ELAVL3: variants seen among roughly 807,000 people sequenced by gnomAD.
The protein encoded by ELAVL3 is ELAV-like protein 3.
ELAVL3 carries 8 observed loss-of-function variants against 34.2 expected under a neutral mutation model. The observed-to-expected ratio is 0.23, with a 90% CI of 0.14 to 0.42. The LOEUF is 0.42. Ranked by LOEUF, ELAVL3 falls within the 10% of genes least tolerant of loss-of-function variation. The pLI is 1.00. For missense variants in ELAVL3, 273 were observed against 518.8 expected (o/e 0.53, Z 4.60); for synonymous variants, 209 against 222.1 (o/e 0.94, Z 0.53).
intron 5 of ELAVL3, among the ~76,000 whole-genome samples, chr19:11,457,409 T>C (rs1038410212): frequency 6.6e-6 from 1 of 152,148 alleles, no homozygotes; most frequent in Admixed American, 6.5e-5. Flanking sequence ...GCGGGTCCCC[T>C]CTGGGCCCAG....
intron 1 of ELAVL3, among the ~76,000 whole-genome samples, chr19:11,478,830 G>T (rs1378981014): frequency 6.6e-6 from 1 of 152,104 alleles, no homozygotes; most frequent in Non-Finnish European, 1.5e-5. Flanking sequence ...GCGGCCCCTG[G>T]CCCCAGTCAC....
Position 11,454,811 on chromosome 19 carries a change from C to T in ELAVL3, c.819G>A (p.Val273=). The change falls in exon 7 of 7, where the codon GTG becomes GTA. Residue 273 remains valine, a synonymous_variant. Transcript: ENST00000359227. The surrounding 1 kb of genome is among the most constrained non-coding windows in gnomAD (Gnocchi z 9.2). ...CGCCCGCCGCGCCCCCCGACAGGCC[C>T]ACGCCCGCCAGGCCGCTCATACCAT... ...AIDGMSGLAG[V]GLSGGAAGAG... is the part of the protein sequence containing the mutation. The T allele has an allele frequency of 6.2e-7, 1 of 1,611,268 alleles. No homozygotes were observed.
At chr19:11,456,102 CTTCTTTTTTTTTT>C (rs1211784106) in intron 6 of ELAVL3, among the ~76,000 whole-genome samples, 4 of 151,858 alleles carry the variant, frequency 2.6e-5, no homozygotes, top group African/African-American at 9.7e-5. Flanking sequence ...TCCGTCACCC[CTTCTTTTTTTTTT>C]TTCTTTTTGA....
At chr19:11,464,760 TCACACACACCACACACATACAC>T (rs1970986340) in intron 3 of ELAVL3, among the ~76,000 whole-genome samples, 1 of 61,700 alleles carries the variant, frequency 1.6e-5, no homozygotes, top group Admixed American at 1.8e-4. Context: ...CACACACACA[TCACACACACCACACACATACAC>T]CACACACACC....
chr19:11,475,107 G>T (rs896814867), intron 1 of ELAVL3, among the ~76,000 whole-genome samples: 2 of 152,142 alleles, frequency 1.3e-5, no homozygotes, highest in African/African-American at 4.8e-5. Context: ...TTACAGGCAT[G>T]AGCCACCGCA....
chr19:11,478,213 C>A (rs577516650), intron 1 of ELAVL3, among the ~76,000 whole-genome samples: 25 of 152,266 alleles, frequency 1.6e-4, no homozygotes, highest in African/African-American at 6.0e-4. Flanking sequence ...GGCTGCCCCC[C>A]TCCCATGGTG....
intron 1 of ELAVL3, among the ~76,000 whole-genome samples, chr19:11,469,024 A>G (rs1971111440): frequency 1.3e-5 from 2 of 152,076 alleles, no homozygotes; most frequent in South Asian, 4.1e-4. Flanking sequence ...GGCTCCAGCA[A>G]TCCTCCCACG....
chr19:11,479,456 G>A (rs1027563363), intron 1 of ELAVL3, among the ~76,000 whole-genome samples: 1 of 152,168 alleles, frequency 6.6e-6, no homozygotes, highest in Non-Finnish European at 1.5e-5. Context: ...GGAGAGATAG[G>A]AAGAGTGGAA....
intron 1 of ELAVL3, among the ~76,000 whole-genome samples, chr19:11,476,335 T>C (rs1971262528): frequency 6.6e-6 from 1 of 151,990 alleles, no homozygotes; most frequent in African/African-American, 2.4e-5. Flanking sequence ...GCCTAGGAGT[T>C]TGAGAGCAGC....
Position 11,463,988 on chromosome 19 carries a change from C to A in ELAVL3, c.333+2184G>T, listed in dbSNP as rs375050761. On this transcript the variant is annotated intron_variant, in intron 3 of 6. Coordinates refer to ENST00000359227, the MANE Select transcript of ELAVL3 (RefSeq NM_001420.4). Reference sequence around the variant, plus strand: ...TGTCTCAAAAAAAACCCCAAAAAATCAAAAAACCAAAAAAAAAAAACCTTA... The same window carrying A: ...TGTCTCAAAAAAAACCCCAAAAAATAAAAAAACCAAAAAAAAAAAACCTTA... 2.5e-4 allele frequency among the ~76,000 whole-genome samples: 37 copies of A among 146,888 alleles called. No individual in the cohort carries two copies. The South Asian group carries it at 5.8e-3, about 23-fold the overall frequency.
chr19:11,461,637 G>C (rs1378335263), intron 3 of ELAVL3, among the ~76,000 whole-genome samples: 1 of 150,610 alleles, frequency 6.6e-6, no homozygotes, highest in East Asian at 2.0e-4. Flanking sequence ...TTGCTGTGTT[G>C]CCCAGGCTGG....
chr19:11,479,511 CGCGGGGAGCGGAGTCGCGCGGCAGGG>C (rs1214931399), intron 1 of ELAVL3, among the ~76,000 whole-genome samples: 17 of 151,862 alleles, frequency 1.1e-4, no homozygotes, highest in Non-Finnish European at 8.8e-5. Flanking sequence ...CGCGCGGCGG[CGCGGGGAGCGGAGTCGCGCGGCAGGG>C]GCGGGGGTGG....
At chr19:11,463,595 C>A (rs1599536480) in intron 3 of ELAVL3, among the ~76,000 whole-genome samples, 1 of 152,246 alleles carries the variant, frequency 6.6e-6, no homozygotes, top group African/African-American at 2.4e-5. Context: ...ACACAAACAT[C>A]CTGCCAGAGC....
chr19:11,459,560 C>T (rs2082349493), intron 3 of ELAVL3, among the ~76,000 whole-genome samples: 1 of 151,638 alleles, frequency 6.6e-6, no homozygotes, highest in Admixed American at 6.6e-5. Context: ...AGCCACCTCC[C>T]CCGGCCTCAG....
At chr19:11,464,356 T>C (rs1006726739) in intron 3 of ELAVL3, among the ~76,000 whole-genome samples, 14 of 150,792 alleles carry the variant, frequency 9.3e-5, no homozygotes, top group Admixed American at 5.3e-4. Context: ...AGGAACAGGG[T>C]TTTGTCACGT....
At chr19:11,465,269 CCACACACATACACA>C (rs1971021814) in intron 3 of ELAVL3, among the ~76,000 whole-genome samples, 1 of 112,738 alleles carries the variant, frequency 8.9e-6, no homozygotes, top group Non-Finnish European at 1.7e-5. Flanking sequence ...CACACATACA[CCACACACATACACA>C]CACACACACC....
In ELAVL3 at chr19:11,454,361, C is replaced by A; in HGVS notation, c.*165G>T. 1.5e-6 allele frequency: 1 copy of A among 685,680 alleles called. No individual in the cohort carries two copies. Among genetic ancestry groups the A allele is most frequent in the South Asian group, 2.0e-5 (1 of 50,806 alleles). 42.5% of individuals were successfully genotyped at this position (685,680 alleles called of 1,614,324 possible). A position where few individuals can be genotyped will look rare whatever the true frequency, so the allele number is the denominator to read the frequency against. On this transcript the variant is annotated 3_prime_UTR_variant, in exon 7 of 7. Coordinates refer to ENST00000359227, the MANE Select transcript of ELAVL3 (RefSeq NM_001420.4). This position sits in a 1 kb window ranked among gnomAD's most constrained non-coding sequence, Gnocchi z 9.2. ...CCCCAATTCCCTGCAGACCCTCCCA[C>A]CCCAGAGTGCTCACCCTGTGGCTTC...
At chr19:11,474,582 C>T (rs1261343386) in intron 1 of ELAVL3, among the ~76,000 whole-genome samples, 1 of 150,954 alleles carries the variant, frequency 6.6e-6, no homozygotes, top group African/African-American at 2.4e-5. Flanking sequence ...GCCTGGGTGA[C>T]AGAGTGAGAC....
intron 3 of ELAVL3, among the ~76,000 whole-genome samples, chr19:11,463,372 C>T (rs1970931970): frequency 6.6e-6 from 1 of 152,208 alleles, no homozygotes. Context: ...CCATGCAGTG[C>T]CGCCCCGCTG....
Sources: gnomAD v4.1 joint callset for allele counts (sites outside exome capture counted in the v4.1 genomes callset) on GRCh38, gnomAD v4.1.1 for gene constraint, Gnocchi (gnomAD v3.1) non-coding constraint, MANE v1.5 for transcripts, NCBI Gene and HGNC (gene_info 2026-07-23, HGNC 2026-07-21) for gene names.